CACNB2: variants seen among roughly 807,000 people sequenced by gnomAD.
CACNB2 encodes calcium voltage-gated channel auxiliary subunit beta 2, also known as voltage-dependent L-type calcium channel subunit beta-2.
Under a neutral mutation model 73.3 loss-of-function variants are expected in CACNB2, and 42 were observed. The observed-to-expected ratio is 0.57, with a 90% CI of 0.45 to 0.74. CACNB2 has a LOEUF of 0.74. Ranked by LOEUF, CACNB2 falls within the 30% of genes least tolerant of loss-of-function variation. The pLI is 0.00. For missense variants in CACNB2, 940 were observed against 853.0 expected (o/e 1.10, Z -1.27); for synonymous variants, 348 against 310.3 (o/e 1.12, Z -1.28).
chr10:18,524,121 C>G (rs901190015), intron 9 of CACNB2, among the ~76,000 whole-genome samples: 3 of 152,052 alleles, frequency 2.0e-5, no homozygotes, highest in African/African-American at 7.2e-5. Context: ...ACAAAGCAAT[C>G]TTCAGATTCA....
chr10:18,482,755 G>T (rs146807437), intron 3 of CACNB2, among the ~76,000 whole-genome samples: 3 of 152,036 alleles, frequency 2.0e-5, no homozygotes, highest in African/African-American at 7.2e-5. Flanking sequence ...CAGGTGATCC[G>T]CCCACCTCAC....
intron 2 of CACNB2, among the ~76,000 whole-genome samples, chr10:18,295,763 T>C (rs2039251223): frequency 6.6e-6 from 1 of 152,172 alleles, no homozygotes; most frequent in Non-Finnish European, 1.5e-5. Context: ...AGCAAATACA[T>C]TAAGTATGTG....
chr10:18,364,092 G>A (rs532632897), intron 2 of CACNB2, among the ~76,000 whole-genome samples: 25 of 150,816 alleles, frequency 1.7e-4, no homozygotes, highest in Non-Finnish European at 2.5e-4. Context: ...GATTACAGGC[G>A]CCTGCTACCA....
intron 2 of CACNB2, among the ~76,000 whole-genome samples, chr10:18,347,220 C>A (rs2041496461): frequency 6.6e-6 from 1 of 152,084 alleles, no homozygotes; most frequent in Non-Finnish European, 1.5e-5. Flanking sequence ...CCCAGGCTGG[C>A]AGGCTGGAGT....
chr10:18,336,142 A>G (rs2040996082), intron 2 of CACNB2, among the ~76,000 whole-genome samples: 1 of 152,228 alleles, frequency 6.6e-6, no homozygotes, highest in Non-Finnish European at 1.5e-5. Context: ...CTTTCAAACA[A>G]ATATAGATTG....
intron 3 of CACNB2, among the ~76,000 whole-genome samples, chr10:18,492,354 C>G (rs892079887): frequency 2.0e-5 from 3 of 152,166 alleles, no homozygotes; most frequent in African/African-American, 7.2e-5. Flanking sequence ...GGCGTGGTGG[C>G]TCACACCTGT....
At chr10:18,350,534 C>T (rs985432541) in intron 2 of CACNB2, among the ~76,000 whole-genome samples, 24 of 152,136 alleles carry the variant, frequency 1.6e-4, no homozygotes, top group African/African-American at 4.8e-4. Flanking sequence ...CTAGAGCAGC[C>T]GACGTTCCCT....
chr10:18,292,951 T>C (rs2039128408), intron 2 of CACNB2, among the ~76,000 whole-genome samples: 1 of 152,208 alleles, frequency 6.6e-6, no homozygotes, highest in Non-Finnish European at 1.5e-5. Flanking sequence ...TTATGGTTTT[T>C]TGGCAATAAT....
At chr10:18,149,363 G>A (rs1028336489) in intron 1 of CACNB2, among the ~76,000 whole-genome samples, 5 of 152,168 alleles carry the variant, frequency 3.3e-5, no homozygotes, top group South Asian at 2.1e-4. Flanking sequence ...GCTGTTAACC[G>A]AGGACAACCT....
chr10:18,242,704 G>T (rs1165110782), intron 2 of CACNB2, among the ~76,000 whole-genome samples: 1 of 151,854 alleles, frequency 6.6e-6, no homozygotes, highest in Non-Finnish European at 1.5e-5. Context: ...CAAAAAGTTG[G>T]CCGGGCGCAG....
At chr10:18,218,636 CT>C (rs2035606497) in intron 2 of CACNB2, among the ~76,000 whole-genome samples, 1 of 152,122 alleles carries the variant, frequency 6.6e-6, no homozygotes. Context: ...AACCCCAGTA[CT>C]TTTGGGTGGA....
intron 2 of CACNB2, among the ~76,000 whole-genome samples, chr10:18,267,247 A>G (rs1452745884): frequency 6.6e-6 from 1 of 152,084 alleles, no homozygotes; most frequent in Non-Finnish European, 1.5e-5. Flanking sequence ...AAAATCCTTA[A>G]TTTTTTTCAG....
intron 2 of CACNB2, among the ~76,000 whole-genome samples, chr10:18,217,226 G>C (rs1285503560): frequency 6.6e-6 from 1 of 152,144 alleles, no homozygotes; most frequent in Non-Finnish European, 1.5e-5. Flanking sequence ...GCTCACACCT[G>C]TAATCCCAGC....
intron 2 of CACNB2, among the ~76,000 whole-genome samples, chr10:18,230,811 A>C (rs1415815078): frequency 1.3e-5 from 2 of 151,066 alleles, no homozygotes; most frequent in Admixed American, 6.6e-5. Context: ...ATGAGGTGAA[A>C]CTGACCATAA....
intron 3 of CACNB2, among the ~76,000 whole-genome samples, chr10:18,464,438 AAAG>A (rs1443002538): frequency 3.5e-5 from 5 of 144,102 alleles, no homozygotes; most frequent in African/African-American, 1.4e-4. Flanking sequence ...AAAAAAAAAA[AAAG>A]AATTTGGCTC....
chr10:18,469,472 ACTTTTTAGCAG>A (rs1396550892), intron 3 of CACNB2, among the ~76,000 whole-genome samples: 2 of 152,162 alleles, frequency 1.3e-5, no homozygotes, highest in African/African-American at 4.8e-5. Context: ...AGTTAGCTCA[ACTTTTTAGCAG>A]CTGTATTTTG....
rs2037106437 is a variant in CACNB2, at chr10:18,251,898, C to T, written c.213+100923C>T. 3.3e-5 allele frequency among the ~76,000 whole-genome samples: 5 copies of T among 152,150 alleles called. No homozygotes were observed. The South Asian group carries it at 1.0e-3, about 32-fold the overall frequency. ...GATCCAGTCACCTCCCACCAAGTCC[C>T]TCCCCCAACACTGGGTGTTACAATT... On this transcript the variant is annotated intron_variant, in intron 2 of 13. Coordinates refer to ENST00000324631, the MANE Select transcript of CACNB2 (RefSeq NM_201596.3).
intron 2 of CACNB2, among the ~76,000 whole-genome samples, chr10:18,166,319 A>C (rs1329672511): frequency 6.6e-6 from 1 of 152,058 alleles, no homozygotes; most frequent in Non-Finnish European, 1.5e-5. Flanking sequence ...GCAGTGGCAC[A>C]ATCTTGGCAC....
chr10:18,233,804 C>A (rs1337701990), intron 2 of CACNB2, among the ~76,000 whole-genome samples: 1 of 151,982 alleles, frequency 6.6e-6, no homozygotes, highest in African/African-American at 2.4e-5. Flanking sequence ...AAATAAGATC[C>A]CCGCTCCCAA....
Sources: allele counts gnomAD v4.1 joint callset (sites outside exome capture counted in the v4.1 genomes callset), GRCh38; gene constraint gnomAD v4.1.1; transcripts MANE v1.5; gene names NCBI Gene and HGNC (gene_info 2026-07-23, HGNC 2026-07-21).